Variants in SDK1 observed in about 807,000 individuals in gnomAD.
SDK1 encodes the protein protein sidekick-1.
A neutral mutation model predicts 245.5 loss-of-function variants in SDK1; 157 were observed. The ratio of observed to expected loss-of-function variants is 0.64; its 90% CI spans 0.56 to 0.73. SDK1 has a LOEUF of 0.73. SDK1 is among the 30% of genes least tolerant of loss of function. The probability of loss-of-function intolerance (pLI) is 0.00; values close to 1 mark genes in which losing one functional copy is unlikely to be tolerated. For synonymous variants in SDK1, 1,647 were observed against 1,278.5 expected (o/e 1.29, Z -6.15); for missense variants, 3,583 against 3,002.3 (o/e 1.19, Z -4.52).
intron 5 of SDK1, among the ~76,000 whole-genome samples, chr7:3,869,544 C>T (rs942503417): frequency 1.1e-4 from 16 of 152,212 alleles, no homozygotes; most frequent in African/African-American, 3.9e-4. Flanking sequence ...CTCCAGGCTT[C>T]CTGCAGCGGC....
intron 22 of SDK1, among the ~76,000 whole-genome samples, chr7:4,109,592 C>G (rs1192310835): frequency 2.6e-5 from 4 of 152,228 alleles, no homozygotes; most frequent in Non-Finnish European, 5.9e-5. Flanking sequence ...CCCCCAGAGC[C>G]ACACGGCCAC....
At chr7:3,823,439 A>G (rs1468136877) in intron 5 of SDK1, among the ~76,000 whole-genome samples, 2 of 152,354 alleles carry the variant, frequency 1.3e-5, no homozygotes, top group South Asian at 4.1e-4. Context: ...TTAACATCAC[A>G]AAGTTATAAA....
At chr7:3,550,441 T>C (rs140366357) in intron 1 of SDK1, among the ~76,000 whole-genome samples, 3 of 152,352 alleles carry the variant, frequency 2.0e-5, no homozygotes, top group African/African-American at 7.2e-5. Flanking sequence ...TGACGCTCAC[T>C]TGACTAAGGC....
chr7:3,675,864 C>G (rs1245256027), intron 4 of SDK1, among the ~76,000 whole-genome samples: 1 of 152,162 alleles, frequency 6.6e-6, no homozygotes, highest in Non-Finnish European at 1.5e-5. Flanking sequence ...CCTTTGCCTA[C>G]TTTTTAATTG....
chr7:3,416,246 G>A (rs1270586202), intron 1 of SDK1, among the ~76,000 whole-genome samples: 1 of 152,136 alleles, frequency 6.6e-6, no homozygotes, highest in Non-Finnish European at 1.5e-5. Context: ...TCTGTGATCA[G>A]ATTAGGAAGT....
intron 1 of SDK1, among the ~76,000 whole-genome samples, chr7:3,530,984 T>A (rs911746895): frequency 1.3e-5 from 2 of 152,246 alleles, no homozygotes; most frequent in African/African-American, 4.8e-5. Context: ...TTCATTGATT[T>A]GGAAATGATG....
At chr7:4,097,336 C>T (rs1013934875) in intron 22 of SDK1, among the ~76,000 whole-genome samples, 1 of 151,594 alleles carries the variant, frequency 6.6e-6, no homozygotes, top group Middle Eastern at 3.4e-3. Flanking sequence ...ATGTGGTTAC[C>T]ATCTTTGTCC....
chr7:3,460,231 G>T (rs953611005), intron 1 of SDK1, among the ~76,000 whole-genome samples: 2 of 152,062 alleles, frequency 1.3e-5, no homozygotes, highest in Non-Finnish European at 2.9e-5. Flanking sequence ...AGTACATGTG[G>T]GTCACAACCT....
At chr7:3,891,665 C>G (rs1469803090) in intron 5 of SDK1, among the ~76,000 whole-genome samples, 3 of 152,136 alleles carry the variant, frequency 2.0e-5, no homozygotes, top group Non-Finnish European at 4.4e-5. Context: ...AATTCTGGGT[C>G]TCTTTCTCTA....
chr7:3,750,872 G>A (rs1779754422), intron 4 of SDK1, among the ~76,000 whole-genome samples: 1 of 152,196 alleles, frequency 6.6e-6, no homozygotes, highest in Non-Finnish European at 1.5e-5. Flanking sequence ...CACTGATCCT[G>A]CTTCAGTTGT....
rs555735337 is a variant in SDK1, at chr7:3,888,165, C to T, written c.848-62758C>T. 8.5e-5 allele frequency among the ~76,000 whole-genome samples: 13 copies of T among 152,352 alleles called. No individual in the cohort carries two copies. The South Asian group carries it at 2.5e-3, about 29-fold the overall frequency. On this transcript the variant is annotated intron_variant, in intron 5 of 44. Transcript: ENST00000404826. The stretch of plus-strand genomic sequence containing the variant: ...GAATGATAGATGCCGCACCTTCTGC[C>T]TGGCTGGCACAGACTCCATTTGATG...
chr7:3,732,536 T>A (rs992079728), intron 4 of SDK1, among the ~76,000 whole-genome samples: 5 of 152,232 alleles, frequency 3.3e-5, no homozygotes, highest in African/African-American at 1.2e-4. Context: ...TTCACATATT[T>A]CCTTTTTTGT....
chr7:4,054,508 G>A (rs554123289), intron 19 of SDK1, among the ~76,000 whole-genome samples: 15 of 152,096 alleles, frequency 9.9e-5, no homozygotes, highest in Non-Finnish European at 2.1e-4. Flanking sequence ...TATCTACCAC[G>A]ATAATCAAGA....
At chr7:3,609,856 A>T (rs1403214977) in intron 1 of SDK1, among the ~76,000 whole-genome samples, 1 of 151,834 alleles carries the variant, frequency 6.6e-6, no homozygotes, top group Non-Finnish European at 1.5e-5. Context: ...ACACACCATC[A>T]TGCCCAGCTA....
At position 4,268,659 on chromosome 7, in the gene SDK1, A is replaced by T. The variant is rs1562500604; in HGVS notation, c.*3275A>T. On this transcript the variant is annotated 3_prime_UTR_variant, in exon 45 of 45. Transcript: ENST00000404826. ...GTTCGTAGCATGGTTTTTATTTCTT[A>T]CGCATTCTTGGCACACAGTGTAGCT... 7.3e-7 allele frequency: 1 copy of T among 1,367,670 alleles called. No individual in the cohort carries two copies. Among genetic ancestry groups the T allele is most frequent in the African/African-American group, 1.5e-5 (1 of 67,804 alleles). 84.7% of individuals were successfully genotyped at this position (1,367,670 alleles called of 1,614,324 possible). A position where few individuals can be genotyped will look rare whatever the true frequency, so the allele number is the denominator to read the frequency against.
chr7:4,101,103 C>T (rs1019877171), intron 22 of SDK1, among the ~76,000 whole-genome samples: 4 of 152,118 alleles, frequency 2.6e-5, no homozygotes, highest in Admixed American at 2.6e-4. Flanking sequence ...AGCTGGGCAG[C>T]CCTGACCCTT....
At chr7:4,157,876 C>T (rs974129804) in intron 30 of SDK1, among the ~76,000 whole-genome samples, 3 of 152,110 alleles carry the variant, frequency 2.0e-5, no homozygotes, top group Non-Finnish European at 4.4e-5. Context: ...TGCCTGCAGC[C>T]GGCCAGGAAG....
At chr7:3,511,307 A>G (rs1782572183) in intron 1 of SDK1, among the ~76,000 whole-genome samples, 1 of 152,244 alleles carries the variant, frequency 6.6e-6, no homozygotes, top group Non-Finnish European at 1.5e-5. Context: ...GCAGAATAAT[A>G]TCTACCTATT....
chr7:3,580,968 C>CAAAA lies in SDK1; in HGVS notation c.299-38089_299-38086dup, dbSNP rs60617574. 1.3e-3 allele frequency among the ~76,000 whole-genome samples: 32 copies of CAAAA among 24,874 alleles called. 2 individuals are homozygous for CAAAA. The highest frequency in any genetic ancestry group is 3.4e-3 in the African/African-American group (32 of 9,336). The allele number at this position is 24,874 out of a possible 152,430, so 16.3% of individuals were successfully genotyped here. A position where few individuals can be genotyped will look rare whatever the true frequency, so the allele number is the denominator to read the frequency against. On this transcript the variant is annotated intron_variant, in intron 1 of 44. Coordinates refer to ENST00000404826, the MANE Select transcript of SDK1 (RefSeq NM_152744.4). The stretch of plus-strand genomic sequence containing the variant: ...TAGGTTATAGGGCAAGACTCCATCT[C>CAAAA]AAAAAAAAAAAAAAAAAAAAAAAAA...
Sources: gnomAD v4.1 joint callset for allele counts (sites outside exome capture counted in the v4.1 genomes callset) on GRCh38, gnomAD v4.1.1 for gene constraint, MANE v1.5 for transcripts, NCBI Gene and HGNC (gene_info 2026-07-23, HGNC 2026-07-21) for gene names.